Variants in CLSTN2 observed in about 807,000 individuals in gnomAD.
CLSTN2 encodes the protein calsyntenin 2.
Under a neutral mutation model 101.2 loss-of-function variants are expected in CLSTN2, and 48 were observed. The ratio of observed to expected loss-of-function variants is 0.47; its 90% CI spans 0.38 to 0.60. CLSTN2 has a LOEUF of 0.60. Ranked by LOEUF, CLSTN2 falls within the 20% of genes least tolerant of loss-of-function variation. The pLI is 0.00. For missense variants in CLSTN2, 1,160 were observed against 1,238.2 expected, an observed-to-expected ratio of 0.94 and a Z score of 0.95; for synonymous variants, 481 against 463.6, an observed-to-expected ratio of 1.04 and a Z score of -0.48.
chr3:140,503,503 G>A (rs1025295542), intron 8 of CLSTN2, among the ~76,000 whole-genome samples: 3 of 152,162 alleles, frequency 2.0e-5, no homozygotes, highest in Non-Finnish European at 4.4e-5. Context: ...CTAGGTTTGT[G>A]TGAGTGCACT....
intron 1 of CLSTN2, among the ~76,000 whole-genome samples, chr3:140,081,007 T>C (rs2008588456): frequency 6.6e-6 from 1 of 152,216 alleles, no homozygotes; most frequent in Admixed American, 6.5e-5. Flanking sequence ...TATCCTTCAC[T>C]CCACAGCGTA....
At chr3:140,455,972 C>T (rs549875014) in intron 6 of CLSTN2, among the ~76,000 whole-genome samples, 172 of 152,308 alleles carry the variant, frequency 1.1e-3, no homozygotes, top group African/African-American at 4.0e-3. Context: ...TATGGCTTTG[C>T]CAGGGCATAT....
At chr3:139,995,188 G>A (rs1936181768) in intron 1 of CLSTN2, among the ~76,000 whole-genome samples, 1 of 152,120 alleles carries the variant, frequency 6.6e-6, no homozygotes, top group South Asian at 2.1e-4. Context: ...AGGCATTGGA[G>A]GAATCACATT....
intron 1 of CLSTN2, among the ~76,000 whole-genome samples, chr3:140,032,332 C>CTTTT (rs982523156): frequency 3.3e-5 from 4 of 120,372 alleles, no homozygotes; most frequent in Non-Finnish European, 3.5e-5. Flanking sequence ...CTAACAAGTA[C>CTTTT]TTTTTTTTTT....
chr3:140,048,708 GT>G (rs1380074204), intron 1 of CLSTN2, among the ~76,000 whole-genome samples: 1 of 152,092 alleles, frequency 6.6e-6, no homozygotes, highest in East Asian at 1.9e-4. Context: ...ACTGGGGGGA[GT>G]GGGGGGCAGT....
At position 140,191,039 on chromosome 3, in the gene CLSTN2, G is replaced by A. The variant is rs548289421; in HGVS notation, c.232+14966G>A. Reference sequence around the variant, plus strand: ...TCAGTCTTTCACCAGTAAATATAATGTTACCTGTAGAGGTTTTGTAAATGC... The same window carrying A: ...TCAGTCTTTCACCAGTAAATATAATATTACCTGTAGAGGTTTTGTAAATGC... On this transcript the variant is annotated intron_variant, in intron 2 of 16. Transcript: ENST00000458420. Among the ~76,000 whole-genome samples, 17 of 152,190 alleles carry A rather than the reference G, an allele frequency of 1.1e-4. No individual in the cohort carries two copies. The East Asian group carries it at 3.1e-3, about 28-fold the overall frequency.
intron 1 of CLSTN2, among the ~76,000 whole-genome samples, chr3:139,966,653 T>C (rs935206061): frequency 6.6e-6 from 1 of 152,242 alleles, no homozygotes; most frequent in Non-Finnish European, 1.5e-5. Flanking sequence ...GCATGAATAA[T>C]ACTGCATTCT....
In CLSTN2 at chr3:139,950,574, C is replaced by T. The variant is rs142275861; in HGVS notation, c.109+15091C>T. Among the ~76,000 whole-genome samples the T allele has an allele frequency of 8.5e-5, 13 of 152,202 alleles. No homozygotes were observed. The East Asian group carries it at 2.1e-3, about 25-fold the overall frequency. On this transcript the variant is annotated intron_variant, in intron 1 of 16. Transcript: ENST00000458420. The stretch of plus-strand genomic sequence containing the variant: ...TTTACTAAAGTTTCAGGATGGATAA[C>T]GGAAATAAACATAAAGAATCATGAA...
At chr3:140,031,359 G>A (rs942739028) in intron 1 of CLSTN2, among the ~76,000 whole-genome samples, 11 of 152,324 alleles carry the variant, frequency 7.2e-5, no homozygotes, top group Non-Finnish European at 1.3e-4. Flanking sequence ...TCCTGGGATG[G>A]TTGAGGCATT....
At chr3:140,484,939 T>C (rs1218007172) in intron 8 of CLSTN2, among the ~76,000 whole-genome samples, 1 of 152,194 alleles carries the variant, frequency 6.6e-6, no homozygotes, top group Non-Finnish European at 1.5e-5. Flanking sequence ...TTTGATCGTC[T>C]GAAGCCTTCT....
intron 8 of CLSTN2, among the ~76,000 whole-genome samples, chr3:140,519,951 T>C (rs567800952): frequency 6.6e-6 from 1 of 152,364 alleles, no homozygotes; most frequent in South Asian, 2.1e-4. Flanking sequence ...GTAATGGTTT[T>C]TTCTTTTGAT....
At chr3:140,386,239 G>A (rs2088049936) in intron 2 of CLSTN2, among the ~76,000 whole-genome samples, 1 of 152,204 alleles carries the variant, frequency 6.6e-6, no homozygotes, top group South Asian at 2.1e-4. Context: ...CTTTGGCCAA[G>A]GTCACAAAGA....
chr3:140,143,512 A>T (rs1387359601), intron 1 of CLSTN2, among the ~76,000 whole-genome samples: 3 of 152,192 alleles, frequency 2.0e-5, no homozygotes, highest in African/African-American at 7.2e-5. Flanking sequence ...TACTGATTCA[A>T]ATTGCTAATT....
intron 2 of CLSTN2, among the ~76,000 whole-genome samples, chr3:140,229,334 A>G (rs1288709789): frequency 1.3e-5 from 2 of 152,202 alleles, no homozygotes; most frequent in Non-Finnish European, 2.9e-5. Flanking sequence ...CCAATGCTTC[A>G]TTAGCAAAGT....
At chr3:140,392,889 G>C (rs1358418837) in intron 2 of CLSTN2, among the ~76,000 whole-genome samples, 1 of 151,754 alleles carries the variant, frequency 6.6e-6, no homozygotes, top group Non-Finnish European at 1.5e-5. Context: ...GTCCATGGTC[G>C]AGGGGCCACA....
chr3:140,138,537 A>G lies in CLSTN2; in HGVS notation c.110-37414A>G, dbSNP rs533659298. Among the ~76,000 whole-genome samples, 7 of 152,352 alleles carry G rather than the reference A, an allele frequency of 4.6e-5. No individual in the cohort carries two copies. The East Asian group carries it at 1.3e-3, about 29-fold the overall frequency. On this transcript the variant is annotated intron_variant, in intron 1 of 16. Transcript: ENST00000458420. ...AATGGGGCTGTGGAAAGCCAGGTAG[A>G]TGTGGGAACTGCAGCCTGACCTCAA... is the stretch of plus-strand genomic sequence containing the variant.
chr3:140,285,763 G>A (rs951356679), intron 2 of CLSTN2, among the ~76,000 whole-genome samples: 1 of 152,118 alleles, frequency 6.6e-6, no homozygotes, highest in African/African-American at 2.4e-5. Flanking sequence ...AATAAAGGGT[G>A]GGCCAGAGGA....
chr3:140,024,146 G>T (rs1418705606), intron 1 of CLSTN2, among the ~76,000 whole-genome samples: 1 of 152,184 alleles, frequency 6.6e-6, no homozygotes, highest in Non-Finnish European at 1.5e-5. Context: ...GAATGGTGAG[G>T]ACTCAATGCA....
intron 1 of CLSTN2, among the ~76,000 whole-genome samples, chr3:140,037,759 A>G (rs139187855): frequency 6.6e-6 from 1 of 152,116 alleles, no homozygotes; most frequent in Non-Finnish European, 1.5e-5. Flanking sequence ...ATGAGTTCTC[A>G]TCATTCAGCT....
Sources: allele counts gnomAD v4.1 joint callset (sites outside exome capture counted in the v4.1 genomes callset), GRCh38; gene constraint gnomAD v4.1.1; transcripts MANE v1.5; gene names NCBI Gene and HGNC (gene_info 2026-07-23, HGNC 2026-07-21).